DAP: variants seen among roughly 807,000 people sequenced by gnomAD.
The protein encoded by DAP is death-associated protein 1.
A neutral mutation model predicts 13.8 loss-of-function variants in DAP; 8 were observed. That is an observed-to-expected ratio of 0.58 (90% CI 0.34 to 1.05). The LOEUF (loss-of-function observed/expected upper bound fraction) is 1.05. Ranked by LOEUF, DAP falls within the 50% of genes least tolerant of loss-of-function variation. The probability of loss-of-function intolerance (pLI) is 0.03; values close to 1 mark genes in which losing one functional copy is unlikely to be tolerated. For missense variants in DAP, 106 were observed against 133.2 expected (o/e 0.80, Z 1.01); for synonymous variants, 47 against 47.5 (o/e 0.99, Z 0.04).
At chr5:10,738,159 A>C (rs1739661200) in intron 2 of DAP, among the ~76,000 whole-genome samples, 1 of 152,360 alleles carries the variant, frequency 6.6e-6, no homozygotes, top group East Asian at 1.9e-4. Context: ...TGTGTTATTT[A>C]AAGCCACCCA....
At chr5:10,748,100 C>T in intron 2 of DAP, 75 bp downstream of exon 2, 1 of 1,050,548 alleles carries the variant, frequency 9.5e-7, no homozygotes, top group Non-Finnish European at 1.5e-6. Context: ...AATCATAGAA[C>T]AGAGAACAAA....
chr5:10,702,270 C>T (rs968065984), intron 2 of DAP, among the ~76,000 whole-genome samples: 1 of 152,182 alleles, frequency 6.6e-6, no homozygotes. Flanking sequence ...AGTTTGTGGT[C>T]GTGGCCAGGC....
At chr5:10,693,747 CAG>C (rs1448266791) in intron 2 of DAP, among the ~76,000 whole-genome samples, 2 of 152,174 alleles carry the variant, frequency 1.3e-5, no homozygotes, top group African/African-American at 4.8e-5. Flanking sequence ...TTTAGAGATG[CAG>C]AGTTTTAAGG....
At chr5:10,683,890 G>A (rs1018992796) in intron 2 of DAP, among the ~76,000 whole-genome samples, 4 of 152,146 alleles carry the variant, frequency 2.6e-5, no homozygotes, top group Non-Finnish European at 5.9e-5. Context: ...GCAGAGGCAC[G>A]ATCATAGCTC....
intron 2 of DAP, among the ~76,000 whole-genome samples, chr5:10,715,765 C>T (rs1738969351): frequency 1.3e-5 from 2 of 152,198 alleles, no homozygotes; most frequent in Admixed American, 6.5e-5. Context: ...AGGCTGTTAG[C>T]CTCATTTATC....
At chr5:10,727,498 G>A (rs1319879519) in intron 2 of DAP, among the ~76,000 whole-genome samples, 1 of 152,192 alleles carries the variant, frequency 6.6e-6, no homozygotes, top group Non-Finnish European at 1.5e-5. Flanking sequence ...TGGGGATGGG[G>A]CCTGCTGCCT....
At position 10,748,181 on chromosome 5, in the gene DAP, C is replaced by T; in HGVS notation, c.146G>A (p.Ser49Asn). 1 of 1,612,282 alleles carries T rather than the reference C, an allele frequency of 6.2e-7. No individual in the cohort carries two copies. Among genetic ancestry groups the T allele is most frequent in the Non-Finnish European group, 8.5e-7 (1 of 1,178,258 alleles). Residue 49 changes from serine (S) to asparagine (N), a missense_variant, in exon 2 of 4, where the codon AGC (serine) becomes AAC (asparagine). Ser to Asn is a conservative substitution (Grantham distance 46, BLOSUM62 1). Transcript: ENST00000230895. ...GTCGCTAGCATCATCCCACCTGGGG[C>T]TTTCCCATTCCTGGTCATCCTTGTC... is the stretch of plus-strand genomic sequence containing the variant. ...EKDKDDQEWE[S>N]PSPPKPTVFI...
chr5:10,756,985 G>C (rs1021074764), intron 1 of DAP, among the ~76,000 whole-genome samples: 1 of 152,234 alleles, frequency 6.6e-6, no homozygotes, highest in African/African-American at 2.4e-5. Context: ...ATTAAGGCTG[G>C]ATTACTTCTA....
At chr5:10,685,925 GAC>G (rs111266561) in intron 2 of DAP, among the ~76,000 whole-genome samples, 3 of 151,942 alleles carry the variant, frequency 2.0e-5, no homozygotes, top group African/African-American at 7.2e-5. Flanking sequence ...CCCCTCTACA[GAC>G]ACACACACAC....
intron 2 of DAP, among the ~76,000 whole-genome samples, chr5:10,738,585 T>C (rs1328229332): frequency 1.3e-5 from 2 of 152,220 alleles, no homozygotes; most frequent in Non-Finnish European, 2.9e-5. Flanking sequence ...AAATGACCTA[T>C]ACTCTTCAAA....
At chr5:10,736,525 C>T (rs964864335) in intron 2 of DAP, among the ~76,000 whole-genome samples, 19 of 152,236 alleles carry the variant, frequency 1.2e-4, no homozygotes, top group African/African-American at 4.3e-4. Context: ...TGCCAGCAGA[C>T]TCGGCTGCCG....
chr5:10,702,682 A>G (rs1426499915), intron 2 of DAP, among the ~76,000 whole-genome samples: 1 of 152,224 alleles, frequency 6.6e-6, no homozygotes, highest in Non-Finnish European at 1.5e-5. Flanking sequence ...GGTGTTATCA[A>G]TGACCACATT....
chr5:10,735,954 G>C (rs192588281), intron 2 of DAP, among the ~76,000 whole-genome samples: 11 of 152,196 alleles, frequency 7.2e-5, no homozygotes, highest in African/African-American at 9.7e-5. Context: ...CTACAAACAG[G>C]GTTGTTGCAG....
chr5:10,729,667 T>A lies in DAP; in HGVS notation c.152+18508A>T, dbSNP rs1739386408. 2.0e-5 allele frequency among the ~76,000 whole-genome samples: 3 copies of A among 152,194 alleles called. No individual in the cohort carries two copies. The South Asian group carries it at 6.2e-4, about 32-fold the overall frequency. On this transcript the variant is annotated intron_variant, in intron 2 of 3. Coordinates refer to ENST00000230895, the MANE Select transcript of DAP (RefSeq NM_004394.3). ...CCAGAGCAACTACAGCCAACCACAT[T>A]CTGACTAGCACACCAAACACTCTTG...
chr5:10,687,173 A>G (rs1018590875), intron 2 of DAP, among the ~76,000 whole-genome samples: 2 of 152,194 alleles, frequency 1.3e-5, no homozygotes, highest in Non-Finnish European at 2.9e-5. Context: ...TTCCTTTCAA[A>G]GTATTACTGC....
At chr5:10,723,958 T>C (rs1312884497) in intron 2 of DAP, among the ~76,000 whole-genome samples, 1 of 152,140 alleles carries the variant, frequency 6.6e-6, no homozygotes, top group African/African-American at 2.4e-5. Flanking sequence ...TTGAAGTAAA[T>C]GCCAAAATAC....
chr5:10,714,194 G>C (rs565975669), intron 2 of DAP, among the ~76,000 whole-genome samples: 1 of 152,338 alleles, frequency 6.6e-6, no homozygotes, highest in African/African-American at 2.4e-5. Context: ...CCATGAACTA[G>C]GCTGGGGGAA....
chr5:10,759,640 C>G (rs1373069129), intron 1 of DAP, among the ~76,000 whole-genome samples: 2 of 151,984 alleles, frequency 1.3e-5, no homozygotes, highest in African/African-American at 4.8e-5. Context: ...AAAATATTGC[C>G]TACTCTGGAC....
In DAP at chr5:10,707,550, G is replaced by A. The variant is rs1212537502; in HGVS notation, c.153-23979C>T. On this transcript the variant is annotated intron_variant, in intron 2 of 3. Transcript: ENST00000230895. The surrounding 1 kb of genome is among the most constrained non-coding windows in gnomAD (Gnocchi z 4.0). Reference sequence around the variant, plus strand: ...GATGCATGGGTGCTGTGATGCAGGGGTGGTGTGATTTGCGATCAGTGTGGT... The same window carrying A: ...GATGCATGGGTGCTGTGATGCAGGGATGGTGTGATTTGCGATCAGTGTGGT... 1.3e-5 allele frequency among the ~76,000 whole-genome samples: 2 copies of A among 152,114 alleles called. No homozygotes were observed. The highest frequency in any genetic ancestry group is 2.9e-5 in the Non-Finnish European group (2 of 68,018).
Sources: gnomAD v4.1 joint callset for allele counts (sites outside exome capture counted in the v4.1 genomes callset) on GRCh38, gnomAD v4.1.1 for gene constraint, Gnocchi (gnomAD v3.1) non-coding constraint, MANE v1.5 for transcripts, NCBI Gene and HGNC (gene_info 2026-07-23, HGNC 2026-07-21) for gene names.